The following LRRC1 variants were observed in gnomAD, a reference collection of about 807,000 sequenced individuals.
The protein encoded by LRRC1 is leucine rich repeat containing 1, also known as leucine-rich repeat-containing protein 1.
Under a neutral mutation model 69.9 loss-of-function variants are expected in LRRC1, and 28 were observed. The observed-to-expected ratio is 0.40, with a 90% CI of 0.30 to 0.55. The LOEUF is 0.55. Ranked by LOEUF, LRRC1 falls within the 20% of genes least tolerant of loss-of-function variation. The pLI, the probability that LRRC1 is intolerant of heterozygous loss-of-function variation, is 0.47. For missense variants in LRRC1, 498 were observed against 609.0 expected, an observed-to-expected ratio of 0.82 and a Z score of 1.92; for synonymous variants, 236 against 240.2, an observed-to-expected ratio of 0.98 and a Z score of 0.16.
chr6:53,900,890 G>A (rs1240145276), intron 8 of LRRC1, among the ~76,000 whole-genome samples: 1 of 152,192 alleles, frequency 6.6e-6, no homozygotes, highest in Non-Finnish European at 1.5e-5. Context: ...TTAATTTTAT[G>A]CAGAACATCA....
chr6:53,868,748 A>C (rs1766789130), intron 2 of LRRC1, among the ~76,000 whole-genome samples: 1 of 152,182 alleles, frequency 6.6e-6, no homozygotes, highest in Non-Finnish European at 1.5e-5. Context: ...GTAATCTGCT[A>C]TCAAGAGATC....
Position 53,795,023 on chromosome 6 carries a change from G to A in LRRC1, c.-234G>A. 1 of 346,552 alleles carries A rather than the reference G, an allele frequency of 2.9e-6. No homozygotes were observed. Among genetic ancestry groups the A allele is most frequent in the Non-Finnish European group, 5.2e-6 (1 of 192,340 alleles). 21.5% of individuals were successfully genotyped at this position (346,552 alleles called of 1,614,324 possible). Reference sequence around the variant, plus strand: ...CGGGGGCGGCGACGGCGACTGGCGGGTGGGAGTGGAGGCACCGGCTGGCGG... The same window carrying A: ...CGGGGGCGGCGACGGCGACTGGCGGATGGGAGTGGAGGCACCGGCTGGCGG... On this transcript the variant is annotated 5_prime_UTR_variant, in exon 1 of 14. It adds an upstream start codon to the 5' untranslated region. Transcript: ENST00000370888.
intron 8 of LRRC1, among the ~76,000 whole-genome samples, chr6:53,901,980 C>T (rs1768071576): frequency 6.6e-6 from 1 of 152,200 alleles, no homozygotes; most frequent in Non-Finnish European, 1.5e-5. Flanking sequence ...TGAAGGGCGC[C>T]TGCTCTGTGG....
chr6:53,797,082 T>G (rs765922109), intron 1 of LRRC1, among the ~76,000 whole-genome samples: 10 of 152,174 alleles, frequency 6.6e-5, no homozygotes, highest in Admixed American at 1.3e-4. Flanking sequence ...TTGACTGGAT[T>G]GGCTTTTCAC....
intron 1 of LRRC1, among the ~76,000 whole-genome samples, chr6:53,808,065 T>C (rs1011330290): frequency 6.6e-6 from 1 of 152,218 alleles, no homozygotes; most frequent in African/African-American, 2.4e-5. Flanking sequence ...AGTTGAAGTG[T>C]GGCAGATCAT....
chr6:53,897,063 G>A (rs1171234404), intron 6 of LRRC1, among the ~76,000 whole-genome samples, 171 bp downstream of exon 6: 3 of 152,150 alleles, frequency 2.0e-5, no homozygotes, highest in Non-Finnish European at 4.4e-5. Context: ...ATTCATGGGT[G>A]GGGGAGGTCA....
intron 1 of LRRC1, among the ~76,000 whole-genome samples, chr6:53,836,311 C>T (rs1765611821): frequency 6.6e-6 from 1 of 152,168 alleles, no homozygotes; most frequent in Non-Finnish European, 1.5e-5. Flanking sequence ...TTTTGAGCCA[C>T]CAAATTTGGG....
At chr6:53,895,066 C>T (rs564289422) in intron 4 of LRRC1, among the ~76,000 whole-genome samples, 18 of 152,016 alleles carry the variant, frequency 1.2e-4, no homozygotes, top group Middle Eastern at 3.4e-3. Context: ...TACAGGCGCC[C>T]GCCACCACGC....
rs79867465 is a variant in LRRC1 at position 53,818,405 on chromosome 6, A to G, written c.159+22990A>G. Among the ~76,000 whole-genome samples the G allele has an allele frequency of 2.4e-4, 37 of 152,328 alleles. 1 individual carries two copies. The East Asian group carries it at 7.1e-3, about 29-fold the overall frequency. On this transcript the variant is annotated intron_variant, in intron 1 of 13. Coordinates refer to ENST00000370888, the MANE Select transcript of LRRC1 (RefSeq NM_018214.5). ...GCATTTTTTTGTGGTGGCAAAAAAGAAAGGAAAAAGAAAAAGGAAATACAG... is the reference window on the plus strand; with the variant it reads ...GCATTTTTTTGTGGTGGCAAAAAAGGAAGGAAAAAGAAAAAGGAAATACAG...
chr6:53,808,645 T>A (rs534711211), intron 1 of LRRC1, among the ~76,000 whole-genome samples: 3 of 152,080 alleles, frequency 2.0e-5, no homozygotes, highest in East Asian at 1.9e-4. Flanking sequence ...GTAGCAGAGC[T>A]GTGATTTGAA....
chr6:53,876,601 G>A (rs1032499863), intron 2 of LRRC1, among the ~76,000 whole-genome samples: 3 of 152,114 alleles, frequency 2.0e-5, no homozygotes, highest in Non-Finnish European at 4.4e-5. Context: ...AATAAATACA[G>A]CCATTCCAAA....
At chr6:53,918,475 T>C (rs1768640117) in intron 11 of LRRC1, among the ~76,000 whole-genome samples, 1 of 152,240 alleles carries the variant, frequency 6.6e-6, no homozygotes. Flanking sequence ...ACTTCTTTTA[T>C]TAAAGTAATT....
chr6:53,913,736 A>G, intron 10 of LRRC1, 118 bp from the exon 11 acceptor site: 1 of 512,318 alleles, frequency 2.0e-6, no homozygotes, highest in Non-Finnish European at 3.5e-6. Flanking sequence ...GAGACCGGTG[A>G]GTTATGTGGT....
At chr6:53,899,694 C>T in intron 7 of LRRC1, 53 bp from the exon 8 acceptor site, 2 of 1,576,672 alleles carry the variant, frequency 1.3e-6, no homozygotes, top group Non-Finnish European at 1.7e-6. Flanking sequence ...ACAAATGCCT[C>T]TGCACTGTGG....
intron 2 of LRRC1, among the ~76,000 whole-genome samples, chr6:53,864,766 T>C (rs767966931): frequency 1.3e-5 from 2 of 152,072 alleles, no homozygotes; most frequent in Non-Finnish European, 2.9e-5. Flanking sequence ...AAGTAATTCA[T>C]TCCCCTTTGC....
At chr6:53,900,044 T>TTTTG (rs1768006545) in intron 8 of LRRC1, among the ~76,000 whole-genome samples, 153 bp downstream of exon 8, 1 of 105,558 alleles carries the variant, frequency 9.5e-6, no homozygotes, top group African/African-American at 4.1e-5. Context: ...TTTTTTTTTT[T>TTTTG]TTTTTTTTTC....
intron 1 of LRRC1, among the ~76,000 whole-genome samples, chr6:53,819,700 T>G (rs1167195448): frequency 2.0e-5 from 3 of 152,136 alleles, no homozygotes; most frequent in Non-Finnish European, 4.4e-5. Context: ...TCTATATAAA[T>G]TCATCTTCAG....
chr6:53,864,169 C>A (rs552123609), intron 2 of LRRC1, among the ~76,000 whole-genome samples: 1 of 152,110 alleles, frequency 6.6e-6, no homozygotes, highest in Non-Finnish European at 1.5e-5. Context: ...CTCTGGGTGA[C>A]TCTCTGCTCT....
chr6:53,795,452 C>G (rs1252645543), intron 1 of LRRC1, 37 bp downstream of exon 1: 1 of 1,582,558 alleles, frequency 6.3e-7, no homozygotes, highest in East Asian at 2.3e-5. Flanking sequence ...TCTGCCCGCT[C>G]GTCTGCTGTC....
Sources: allele counts gnomAD v4.1 joint callset (sites outside exome capture counted in the v4.1 genomes callset), GRCh38; gene constraint gnomAD v4.1.1; transcripts MANE v1.5; gene names NCBI Gene and HGNC (gene_info 2026-07-23, HGNC 2026-07-21).